The following PRKG1 variants were observed in gnomAD, a reference collection of about 807,000 sequenced individuals.
The protein encoded by PRKG1 is protein kinase cGMP-dependent 1.
Under a neutral mutation model 88.1 loss-of-function variants are expected in PRKG1, and 35 were observed. The ratio of observed to expected loss-of-function variants is 0.40; its 90% CI spans 0.30 to 0.53. The LOEUF (loss-of-function observed/expected upper bound fraction) is 0.53. PRKG1 is among the 20% of genes least tolerant of loss of function. The pLI is 0.59. For missense variants in PRKG1, 540 were observed against 839.8 expected (o/e 0.64, Z 4.41); for synonymous variants, 303 against 292.5 (o/e 1.04, Z -0.37).
chr10:51,493,139 C>A (rs1840751653), intron 3 of PRKG1, among the ~76,000 whole-genome samples: 1 of 152,088 alleles, frequency 6.6e-6, no homozygotes, highest in African/African-American at 2.4e-5. Flanking sequence ...TTACCCTGAT[C>A]TTATTCCTAT....
At chr10:51,487,211 T>A (rs1840572936) in intron 3 of PRKG1, among the ~76,000 whole-genome samples, 1 of 152,078 alleles carries the variant, frequency 6.6e-6, no homozygotes, top group South Asian at 2.1e-4. Context: ...AGCTTAGAAG[T>A]TTTAAGCTTC....
chr10:51,717,350 G>A (rs952013217), intron 3 of PRKG1, among the ~76,000 whole-genome samples: 3 of 152,170 alleles, frequency 2.0e-5, no homozygotes, highest in Non-Finnish European at 4.4e-5. Context: ...CTGATTGGGA[G>A]ACCAAAGGAA....
intron 3 of PRKG1, among the ~76,000 whole-genome samples, chr10:51,758,571 T>C (rs1448684213): frequency 1.3e-5 from 2 of 152,190 alleles, no homozygotes; most frequent in Non-Finnish European, 2.9e-5. Flanking sequence ...TCTTGGTTTT[T>C]ATTCTTCTCT....
At chr10:51,615,223 C>T (rs931240996) in intron 3 of PRKG1, among the ~76,000 whole-genome samples, 4 of 152,062 alleles carry the variant, frequency 2.6e-5, no homozygotes, top group Admixed American at 2.6e-4. Context: ...TTTTTTAAGG[C>T]ATTGATGCTT....
At chr10:51,698,226 C>T in intron 3 of PRKG1, 1 of 1,614,158 alleles carries the variant, frequency 6.2e-7, no homozygotes, top group East Asian at 2.2e-5. Context: ...GTTTCCATCG[C>T]ACAGGTCTCC....
intron 2 of PRKG1, among the ~76,000 whole-genome samples, chr10:51,273,857 C>G (rs1480339402): frequency 6.6e-6 from 1 of 152,218 alleles, no homozygotes; most frequent in Non-Finnish European, 1.5e-5. Flanking sequence ...GCTTTCGGCA[C>G]CGGATCTCAG....
At chr10:51,189,919 A>T (rs1399327341) in intron 2 of PRKG1, among the ~76,000 whole-genome samples, 1 of 151,892 alleles carries the variant, frequency 6.6e-6, no homozygotes, top group African/African-American at 2.4e-5. Context: ...AAAACTGAAG[A>T]TTATAGTTGT....
At chr10:51,394,373 G>A (rs1837521643) in intron 2 of PRKG1, among the ~76,000 whole-genome samples, 1 of 152,204 alleles carries the variant, frequency 6.6e-6, no homozygotes, top group African/African-American at 2.4e-5. Flanking sequence ...TGGCAACTGG[G>A]TTCCAAGAAA....
Position 51,824,369 on chromosome 10 carries a change from G to A in PRKG1, c.698+19679G>A, listed in dbSNP as rs116922707. Among the ~76,000 whole-genome samples the A allele has an allele frequency of 2.4e-3, 362 of 151,738 alleles. 5 individuals are homozygous for A. Among genetic ancestry groups the A allele is most frequent in the East Asian group, 2.7e-3 (14 of 5,162 alleles). On this transcript the variant is annotated intron_variant, in intron 4 of 17. Coordinates refer to ENST00000373980, the MANE Select transcript of PRKG1 (RefSeq NM_006258.4). ...AGAGTAACTTAGTGTTGGAAATACA[G>A]TATGCATTTTCTTTTGGAAATTTTG...
At chr10:51,125,559 G>A (rs916026696) in intron 1 of PRKG1, among the ~76,000 whole-genome samples, 1 of 149,320 alleles carries the variant, frequency 6.7e-6, no homozygotes, top group Non-Finnish European at 1.5e-5. Context: ...GCGGGTGCCT[G>A]TAATCCCAGC....
At chr10:51,564,517 G>T (rs140768592) in intron 3 of PRKG1, among the ~76,000 whole-genome samples, 4 of 152,074 alleles carry the variant, frequency 2.6e-5, no homozygotes. Context: ...GGGAGGAAGC[G>T]TGTGTAAAGG....
chr10:51,749,508 A>G (rs766948381), intron 3 of PRKG1, among the ~76,000 whole-genome samples: 6 of 152,098 alleles, frequency 3.9e-5, no homozygotes, highest in Non-Finnish European at 8.8e-5. Flanking sequence ...CTATCAGATT[A>G]TGACCCCTCC....
At chr10:51,787,065 T>C (rs921943390) in intron 3 of PRKG1, among the ~76,000 whole-genome samples, 2 of 152,200 alleles carry the variant, frequency 1.3e-5, no homozygotes, top group Admixed American at 1.3e-4. Flanking sequence ...ATTGGGAATG[T>C]CCTTGAAGGA....
At chr10:51,125,755 TA>T (rs897493261) in intron 1 of PRKG1, among the ~76,000 whole-genome samples, 1 of 145,656 alleles carries the variant, frequency 6.9e-6, no homozygotes, top group Non-Finnish European at 1.5e-5. Flanking sequence ...TATCTACATA[TA>T]AAAATTATAT....
At chr10:51,331,593 A>G (rs984925571) in intron 2 of PRKG1, among the ~76,000 whole-genome samples, 3 of 152,158 alleles carry the variant, frequency 2.0e-5, no homozygotes, top group African/African-American at 7.2e-5. Flanking sequence ...GATGTGAGTA[A>G]TGCAAAATTG....
At chr10:51,532,589 A>G (rs1842045524) in intron 3 of PRKG1, among the ~76,000 whole-genome samples, 1 of 152,172 alleles carries the variant, frequency 6.6e-6, no homozygotes, top group Non-Finnish European at 1.5e-5. Flanking sequence ...GCTAGTGCTA[A>G]TTAAGTTTTT....
At chr10:51,721,225 A>G (rs1258018010) in intron 3 of PRKG1, among the ~76,000 whole-genome samples, 7 of 151,158 alleles carry the variant, frequency 4.6e-5, no homozygotes, top group African/African-American at 7.4e-5. Flanking sequence ...AAAAAAAAAA[A>G]AAAAAAAGAA....
At chr10:51,939,223 C>A (rs1221636624) in intron 5 of PRKG1, among the ~76,000 whole-genome samples, 8 of 151,946 alleles carry the variant, frequency 5.3e-5, no homozygotes, top group African/African-American at 1.9e-4. Context: ...TTTTTAGAAT[C>A]TAAACTTATT....
At chr10:52,269,855 T>C (rs1480264129) in intron 10 of PRKG1, among the ~76,000 whole-genome samples, 1 of 151,976 alleles carries the variant, frequency 6.6e-6, no homozygotes, top group African/African-American at 2.4e-5. Flanking sequence ...AACAGCACCC[T>C]GTCTGAGTAA....
Sources: gnomAD v4.1 joint callset for allele counts (sites outside exome capture counted in the v4.1 genomes callset) on GRCh38, gnomAD v4.1.1 for gene constraint, MANE v1.5 for transcripts, NCBI Gene and HGNC (gene_info 2026-07-23, HGNC 2026-07-21) for gene names.